Variants in AXIN1 observed in about 807,000 individuals in gnomAD.
The protein encoded by AXIN1 is axin 1, also known as axin-1.
A neutral mutation model predicts 76.4 loss-of-function variants in AXIN1; 30 were observed. That is an observed-to-expected ratio of 0.39 (90% confidence interval 0.29 to 0.53). AXIN1 has a LOEUF of 0.53. AXIN1 is among the 20% of genes least tolerant of loss of function. The pLI, the probability that AXIN1 is intolerant of heterozygous loss-of-function variation, is 0.66. For missense variants in AXIN1, 1,140 were observed against 1,198.8 expected (o/e 0.95, Z 0.72); for synonymous variants, 545 against 501.4 (o/e 1.09, Z -1.16).
chr16:332,105 G>A (rs2053702519), intron 2 of AXIN1, among the ~76,000 whole-genome samples: 2 of 152,166 alleles, frequency 1.3e-5, no homozygotes. Flanking sequence ...AGAGTCCACA[G>A]GTCGGCAGCC....
chr16:298,859 C>T (rs988246482), intron 5 of AXIN1, among the ~76,000 whole-genome samples: 2 of 152,128 alleles, frequency 1.3e-5, no homozygotes, highest in African/African-American at 4.8e-5. Flanking sequence ...ACCTCTGCCT[C>T]CTGGGTTCAA....
chr16:351,270 G>A (rs1306281684), intron 1 of AXIN1, among the ~76,000 whole-genome samples: 1 of 151,870 alleles, frequency 6.6e-6, no homozygotes, highest in Non-Finnish European at 1.5e-5. Context: ...ACAGAAGTGT[G>A]AGCAAAAACA....
At chr16:296,046 A>C (rs450669) in intron 7 of AXIN1, among the ~76,000 whole-genome samples, 1 of 152,042 alleles carries the variant, frequency 6.6e-6, no homozygotes, top group African/African-American at 2.4e-5. Flanking sequence ...TGGGAGGATC[A>C]CTTGAGCCCA....
chr16:300,722 G>A (rs1236575782), intron 5 of AXIN1, among the ~76,000 whole-genome samples: 1 of 152,200 alleles, frequency 6.6e-6, no homozygotes, highest in Non-Finnish European at 1.5e-5. Context: ...TCCCCTGGCG[G>A]ATGCAGCTAT....
intron 4 of AXIN1, among the ~76,000 whole-genome samples, chr16:304,693 C>A (rs1331738705): frequency 6.6e-6 from 1 of 152,056 alleles, no homozygotes; most frequent in African/African-American, 2.4e-5. Context: ...CGCCACCACG[C>A]CTGGCTAATT....
chr16:321,428 C>G (rs1303116875), intron 2 of AXIN1, among the ~76,000 whole-genome samples: 6 of 152,256 alleles, frequency 3.9e-5, no homozygotes, highest in Non-Finnish European at 8.8e-5. Flanking sequence ...AAAGTAAGTT[C>G]TGATGGTTTT....
In AXIN1 at chr16:344,447, T is replaced by TAAA. The variant is rs2053993771; in HGVS notation, c.878+1700_878+1701insTTT. On this transcript the variant is annotated intron_variant, in intron 2 of 10. Transcript: ENST00000262320. ...TCCATCTCAAAAAAAAAAAAAAAAT[T>TAAA]AACCAATTAACCTACACAATCCTTT... is the stretch of plus-strand genomic sequence containing the variant. 1.7e-4 allele frequency among the ~76,000 whole-genome samples: 22 copies of TAAA among 126,758 alleles called. 4 individuals carry two copies. Among genetic ancestry groups the TAAA allele is most frequent in the East Asian group, 6.5e-4 (3 of 4,598 alleles). The allele number at this position is 126,758 out of a possible 152,430, so 83.2% of individuals were successfully genotyped here.
chr16:304,248 G>C (rs889530371), intron 5 of AXIN1, 56 bp downstream of exon 5: 2 of 1,600,396 alleles, frequency 1.2e-6, no homozygotes, highest in Non-Finnish European at 1.7e-6. Flanking sequence ...ACATCCCGGC[G>C]GCAAGAAAAC....
At chr16:299,932 A>G (rs536568854) in intron 5 of AXIN1, among the ~76,000 whole-genome samples, 94 of 148,768 alleles carry the variant, frequency 6.3e-4, no homozygotes, top group African/African-American at 1.9e-3. Context: ...TGGGATTACA[A>G]GTGTGAGCCA....
chr16:346,452 T>A lies in AXIN1; in HGVS notation c.574A>T (p.Thr192Ser). The A allele has an allele frequency of 6.2e-7, 1 of 1,614,248 alleles. No homozygotes were observed. Among genetic ancestry groups the A allele is most frequent in the African/African-American group, 1.3e-5 (1 of 75,068 alleles). Residue 192 changes from threonine to serine, a missense_variant, in exon 2 of 11, where the codon ACT (threonine) becomes TCT (serine). Thr to Ser is a moderately conservative substitution (Grantham distance 58, BLOSUM62 1). Around this residue, in one of 3 missense-constraint regions of AXIN1, gnomAD observed 708 missense variants for 776.9 expected, o/e 0.91. Transcript: ENST00000262320. Reference protein sequence around the residue: ...FDQAQTEIQATMEENTYPSFL... With the variant: ...FDQAQTEIQASMEENTYPSFL... ...GAGGGATAGGTGTTTTCCTCCATAG[T>A]GGCCTGGATTTCGGTCTGGGCCTGG...
At position 298,007 on chromosome 16, in the gene AXIN1, G is replaced by C; in HGVS notation, c.1499C>G (p.Ala500Gly). Reference sequence around the variant, plus strand: ...ACCCCCCAGTGCCACTGGCATCTTGGCCACGTGCCCACTGTCCGGGGAGCG... The same window carrying C: ...ACCCCCCAGTGCCACTGGCATCTTGCCCACGTGCCCACTGTCCGGGGAGCG... ...GHRSPDSGHV[A>G]KMPVALGGAA... Residue 500 changes from alanine to glycine, a missense_variant, in exon 6 of 11, where the codon GCC becomes GGC. Coordinates refer to ENST00000262320, the MANE Select transcript of AXIN1 (RefSeq NM_003502.4). 6.3e-7 allele frequency: 1 copy of C among 1,598,740 alleles called. No homozygotes were observed. The highest frequency in any genetic ancestry group is 2.2e-5 in the East Asian group (1 of 44,630).
intron 2 of AXIN1, among the ~76,000 whole-genome samples, chr16:329,925 G>A (rs781689786): frequency 6.6e-5 from 10 of 151,788 alleles, no homozygotes; most frequent in Non-Finnish European, 1.3e-4. Flanking sequence ...GAGCCACCGC[G>A]CCTGGCCAAT....
At chr16:323,836 G>T (rs2053519318) in intron 2 of AXIN1, among the ~76,000 whole-genome samples, 1 of 151,918 alleles carries the variant, frequency 6.6e-6, no homozygotes, top group South Asian at 2.1e-4. Flanking sequence ...GTGTGACTTG[G>T]GTTCTCACCT....
chr16:324,381 G>A (rs572067607), intron 2 of AXIN1, among the ~76,000 whole-genome samples: 63 of 152,338 alleles, frequency 4.1e-4, no homozygotes, highest in African/African-American at 1.4e-3. Context: ...TGGAAGCAGC[G>A]CAGGGCAGAA....
Position 289,576 on chromosome 16 carries a change from T to G in AXIN1, c.2326A>C (p.Ser776Arg), listed in dbSNP as rs575851492. The change falls in exon 10 of 11, where the codon AGT becomes CGT. Residue 776 changes from serine to arginine, a missense_variant. By Grantham distance (110) the Ser-to-Arg change is moderately radical (BLOSUM62 -1). Transcript: ENST00000262320. ...TRSQRKVGGG[S>R]AQPCDSIVVA... ...ACGATGCTGTCACACGGCTGGGCAC[T>G]CCCGCCGCCCACCTTCCTCTGCGAT... The G allele has an allele frequency of 6.2e-7, 1 of 1,612,882 alleles. No homozygotes were observed. Among genetic ancestry groups the G allele is most frequent in the Admixed American group, 1.7e-5 (1 of 60,008 alleles).
Position 339,196 on chromosome 16 carries a change from CAAAAAA to C in AXIN1, c.878+6946_878+6951del, listed in dbSNP as rs1002630324. On this transcript the variant is annotated intron_variant, in intron 2 of 10. Transcript: ENST00000262320. ...AGTTCAAAACCAGCCAGCCTGGTCT[CAAAAAA>C]AAAAAAAAAAAAAAAAAAAGGCCGG... Among the ~76,000 whole-genome samples, 80 of 34,674 alleles carry C rather than the reference CAAAAAA, an allele frequency of 2.3e-3. No homozygotes were observed. In the East Asian group the frequency reaches 0.061, roughly 26 times the overall value. The allele number at this position is 34,674 out of a possible 152,430, so 22.7% of individuals were successfully genotyped here. A position where few individuals can be genotyped will look rare whatever the true frequency, so the allele number is the denominator to read the frequency against.
At chr16:304,262 ACGACACCGACGCGGAGCG>A (rs750934190) in intron 5 of AXIN1, 24 bp downstream of exon 5, 49 of 1,599,898 alleles carry the variant, frequency 3.1e-5, no homozygotes, top group African/African-American at 2.0e-4. Context: ...AGAAAACAGC[ACGACACCGACGCGGAGCG>A]CGACACCGAC....
At position 322,723 on chromosome 16, in the gene AXIN1, G is replaced by A. The variant is rs561771349; in HGVS notation, c.879-8040C>T. 4.6e-5 allele frequency among the ~76,000 whole-genome samples: 7 copies of A among 152,308 alleles called. No homozygotes were observed. The East Asian group carries it at 5.8e-4, about 13-fold the overall frequency. On this transcript the variant is annotated intron_variant, in intron 2 of 10. Coordinates refer to ENST00000262320, the MANE Select transcript of AXIN1 (RefSeq NM_003502.4). ...CCTACACACAGAATCGCTGGCTCCC[G>A]GGGACCCTCTTCATTTTCTGGAGCT...
chr16:289,506 A>T lies in AXIN1; in HGVS notation c.2396T>A (p.Leu799Gln). The T allele has an allele frequency of 6.2e-7, 1 of 1,612,930 alleles. No individual in the cohort carries two copies. The highest frequency in any genetic ancestry group is 8.5e-7 in the Non-Finnish European group (1 of 1,180,006). Residue 799 changes from leucine (L) to glutamine (Q), a missense_variant, in exon 10 of 11, where the codon CTG becomes CAG. Coordinates refer to ENST00000262320, the MANE Select transcript of AXIN1 (RefSeq NM_003502.4). ...FCGEPIPYRT[L>Q]VRGRAVTLGQ... Reference sequence around the variant, plus strand: ...CAGGGTGACAGCGCGGCCCCTCACCAGGGTGCGGTAGGGGATGGGTTCCCC... The same window carrying T: ...CAGGGTGACAGCGCGGCCCCTCACCTGGGTGCGGTAGGGGATGGGTTCCCC...
Sources: allele counts gnomAD v4.1 joint callset (sites outside exome capture counted in the v4.1 genomes callset), GRCh38; gene constraint gnomAD v4.1.1; regional missense constraint gnomAD v4.1.1; transcripts MANE v1.5; gene names NCBI Gene and HGNC (gene_info 2026-07-23, HGNC 2026-07-21).